The following LDB2 variants were observed in gnomAD, a reference collection of about 807,000 sequenced individuals.
LDB2 encodes the protein LIM domain-binding protein 2.
A neutral mutation model predicts 44.3 loss-of-function variants in LDB2; 12 were observed. That is an observed-to-expected ratio of 0.27 (90% CI 0.17 to 0.44). LDB2 has a LOEUF of 0.44. LDB2 is among the 20% of genes least tolerant of loss of function. The pLI is 1.00. For missense variants in LDB2, 344 were observed against 473.5 expected (o/e 0.73, Z 2.54); for synonymous variants, 164 against 174.8 (o/e 0.94, Z 0.49).
At chr4:16,864,928 A>C (rs536880060) in intron 1 of LDB2, among the ~76,000 whole-genome samples, 7 of 151,676 alleles carry the variant, frequency 4.6e-5, no homozygotes, top group African/African-American at 1.7e-4. Flanking sequence ...TCCATCTAAA[A>C]AGAAAAGAAC....
chr4:16,682,357 T>C (rs1486799535), intron 2 of LDB2, among the ~76,000 whole-genome samples: 3 of 152,222 alleles, frequency 2.0e-5, no homozygotes, highest in Admixed American at 6.5e-5. Flanking sequence ...ATAATGCCTG[T>C]AGGAAATGGA....
intron 4 of LDB2, among the ~76,000 whole-genome samples, chr4:16,588,152 TG>T (rs1717677479): frequency 6.6e-6 from 1 of 152,164 alleles, no homozygotes; most frequent in East Asian, 1.9e-4. Flanking sequence ...AACCCACCCT[TG>T]CACCTAATTT....
intron 1 of LDB2, among the ~76,000 whole-genome samples, chr4:16,873,777 T>G (rs573388568): frequency 5.1e-4 from 78 of 152,312 alleles, no homozygotes; most frequent in African/African-American, 1.9e-3. Flanking sequence ...TGTGTTTTAA[T>G]TTTTAGTAAA....
chr4:16,698,812 T>C (rs1205105309), intron 2 of LDB2, among the ~76,000 whole-genome samples: 1 of 152,222 alleles, frequency 6.6e-6, no homozygotes, highest in East Asian at 1.9e-4. Context: ...CGCAATGGTT[T>C]ATTGTTTATG....
chr4:16,553,823 C>G (rs1450041650), intron 5 of LDB2, among the ~76,000 whole-genome samples: 1 of 152,094 alleles, frequency 6.6e-6, no homozygotes, highest in Non-Finnish European at 1.5e-5. Context: ...CCACTAGTAT[C>G]CCCATTTTAT....
chr4:16,672,808 T>C (rs984761770), intron 2 of LDB2, among the ~76,000 whole-genome samples: 1 of 135,394 alleles, frequency 7.4e-6, no homozygotes, highest in East Asian at 2.3e-4. Flanking sequence ...GAAGAACTGC[T>C]TGCGTGCCTG....
chr4:16,866,995 A>G (rs1169012072), intron 1 of LDB2, among the ~76,000 whole-genome samples: 2 of 152,172 alleles, frequency 1.3e-5, no homozygotes, highest in Non-Finnish European at 2.9e-5. Flanking sequence ...ACCTTGCCAA[A>G]CAGAACCTGA....
intron 2 of LDB2, among the ~76,000 whole-genome samples, chr4:16,710,315 A>G (rs1387287117): frequency 1.3e-5 from 2 of 152,202 alleles, no homozygotes; most frequent in African/African-American, 4.8e-5. Context: ...ATGAATACAT[A>G]CAGTCTGAAA....
At chr4:16,530,224 C>G (rs1208364091) in intron 5 of LDB2, among the ~76,000 whole-genome samples, 1 of 152,238 alleles carries the variant, frequency 6.6e-6, no homozygotes, top group Non-Finnish European at 1.5e-5. Flanking sequence ...CCTCGCACTG[C>G]TGCCTTGGTG....
chr4:16,638,791 T>G (rs1734324984), intron 2 of LDB2, among the ~76,000 whole-genome samples: 1 of 152,174 alleles, frequency 6.6e-6, no homozygotes, highest in Admixed American at 6.5e-5. Context: ...GTTTATCATC[T>G]GGTACTTGGC....
intron 1 of LDB2, among the ~76,000 whole-genome samples, chr4:16,796,321 A>G (rs1393367565): frequency 1.3e-5 from 2 of 152,214 alleles, no homozygotes; most frequent in Non-Finnish European, 2.9e-5. Context: ...TGGCATTAGT[A>G]TACACACATA....
chr4:16,754,005 G>T lies in LDB2; in HGVS notation c.235+5153C>A, dbSNP rs76659484. On this transcript the variant is annotated intron_variant, in intron 2 of 7. Transcript: ENST00000304523. The stretch of plus-strand genomic sequence containing the variant: ...GTTTCAAGTAAGGCCACTTAGAAAA[G>T]AATTAGGTTTTTCTCTAAGAAACAG... Among the ~76,000 whole-genome samples the T allele has an allele frequency of 5.4e-3, 829 of 152,262 alleles. 11 individuals carry two copies. Among genetic ancestry groups the T allele is most frequent in the African/African-American group, 0.019 (770 of 41,562 alleles).
intron 2 of LDB2, among the ~76,000 whole-genome samples, chr4:16,690,078 G>A (rs1750261119): frequency 6.6e-6 from 1 of 152,086 alleles, no homozygotes; most frequent in Non-Finnish European, 1.5e-5. Context: ...AATAAAGATG[G>A]TTGGGCTAAT....
At position 16,502,259 on chromosome 4, in the gene LDB2, G is replaced by A. The variant is rs1011531403; in HGVS notation, c.*384C>T. 2.9e-5 allele frequency: 5 copies of A among 172,852 alleles called. No individual in the cohort carries two copies. Among genetic ancestry groups the A allele is most frequent in the East Asian group, 1.5e-4 (1 of 6,730 alleles). The allele number at this position is 172,852 out of a possible 1,614,324, so 10.7% of individuals were successfully genotyped here. A position where few individuals can be genotyped will look rare whatever the true frequency, so the allele number is the denominator to read the frequency against. ...TAAAAAGTCATCTGTAGTTAGGTTC[G>A]GCATATTAATGAGATCCTGAGCACT... On this transcript the variant is annotated 3_prime_UTR_variant, in exon 8 of 8. Transcript: ENST00000304523.
At chr4:16,835,893 C>T (rs1346427215) in intron 1 of LDB2, among the ~76,000 whole-genome samples, 5 of 152,304 alleles carry the variant, frequency 3.3e-5, no homozygotes, top group Admixed American at 2.0e-4. Flanking sequence ...CTCAACTTCA[C>T]ATTTATATTA....
chr4:16,768,828 C>T (rs541387228), intron 1 of LDB2, among the ~76,000 whole-genome samples: 1 of 152,124 alleles, frequency 6.6e-6, no homozygotes, highest in African/African-American at 2.4e-5. Flanking sequence ...AAAACCTCAC[C>T]ATGACCCTAT....
chr4:16,895,943 TTTGA>T (rs1220029642), intron 1 of LDB2, among the ~76,000 whole-genome samples: 1 of 152,196 alleles, frequency 6.6e-6, no homozygotes, highest in Non-Finnish European at 1.5e-5. Flanking sequence ...GGAGCAATTA[TTTGA>T]TTCTCTCCCC....
At chr4:16,503,243 AT>A in intron 7 of LDB2, 5 of 1,085,530 alleles carry the variant, frequency 4.6e-6, no homozygotes, top group Non-Finnish European at 6.6e-6. Context: ...GTGCTTCTCA[AT>A]ACCTCCAAAA....
At chr4:16,708,722 A>G (rs1755186699) in intron 2 of LDB2, among the ~76,000 whole-genome samples, 1 of 152,104 alleles carries the variant, frequency 6.6e-6, no homozygotes, top group Admixed American at 6.6e-5. Context: ...GTGGATAGAC[A>G]TAATTATATT....
Sources: allele counts gnomAD v4.1 joint callset (sites outside exome capture counted in the v4.1 genomes callset), GRCh38; gene constraint gnomAD v4.1.1; transcripts MANE v1.5; gene names NCBI Gene and HGNC (gene_info 2026-07-23, HGNC 2026-07-21).